Variants in EIF4G3 observed in about 807,000 individuals in gnomAD.
EIF4G3 encodes eukaryotic translation initiation factor 4 gamma 3.
In EIF4G3, 34 loss-of-function variants were observed where a neutral mutation model predicts 186.4. The ratio of observed to expected loss-of-function variants is 0.18; its 90% CI spans 0.14 to 0.24. EIF4G3 has a LOEUF of 0.24. Ranked by LOEUF, EIF4G3 falls within the 10% of genes least tolerant of loss-of-function variation. The probability of loss-of-function intolerance (pLI) is 1.00; values close to 1 mark genes in which losing one functional copy is unlikely to be tolerated. For synonymous variants in EIF4G3, 673 were observed against 679.5 expected (o/e 0.99, Z 0.15); for missense variants, 1,536 against 1,948.5 (o/e 0.79, Z 3.99).
At chr1:20,825,737 C>CTAGAA (rs2063450958) in intron 32 of EIF4G3, among the ~76,000 whole-genome samples, 1 of 152,208 alleles carries the variant, frequency 6.6e-6, no homozygotes. Flanking sequence ...AGAAGCCTCA[C>CTAGAA]TAGAATCCCT....
intron 3 of EIF4G3, among the ~76,000 whole-genome samples, chr1:21,066,408 A>T (rs1488776504): frequency 6.6e-6 from 1 of 152,200 alleles, no homozygotes; most frequent in Non-Finnish European, 1.5e-5. Flanking sequence ...GATATGTAAA[A>T]AATTAACATA....
intron 2 of EIF4G3, among the ~76,000 whole-genome samples, chr1:21,155,625 G>A (rs139144337): frequency 5.3e-5 from 8 of 152,056 alleles, no homozygotes; most frequent in African/African-American, 1.9e-4. Context: ...GAGCCCAGGA[G>A]TTGGGAGTTT....
chr1:21,131,751 T>C (rs1265361648), intron 2 of EIF4G3, among the ~76,000 whole-genome samples: 2 of 152,140 alleles, frequency 1.3e-5, no homozygotes, highest in Non-Finnish European at 2.9e-5. Context: ...GGCTGGAGGA[T>C]AGCTTGAGCC....
At chr1:21,127,469 T>C (rs546289770) in intron 2 of EIF4G3, among the ~76,000 whole-genome samples, 2 of 152,310 alleles carry the variant, frequency 1.3e-5, no homozygotes, top group South Asian at 4.1e-4. Context: ...AATATAAATT[T>C]TGTGAAAAAA....
At chr1:21,057,113 T>C (rs2094596382) in intron 3 of EIF4G3, among the ~76,000 whole-genome samples, 1 of 152,180 alleles carries the variant, frequency 6.6e-6, no homozygotes, top group East Asian at 1.9e-4. Context: ...CAGTAGCTGG[T>C]AAGCTTGGAA....
chr1:21,131,153 T>C (rs1205870824), intron 2 of EIF4G3, among the ~76,000 whole-genome samples: 1 of 148,744 alleles, frequency 6.7e-6, no homozygotes, highest in Non-Finnish European at 1.5e-5. Flanking sequence ...GTCACAAGAA[T>C]CACTTGAACC....
At chr1:20,852,568 GTCT>G (rs1441352911) in intron 27 of EIF4G3, among the ~76,000 whole-genome samples, 1 of 152,042 alleles carries the variant, frequency 6.6e-6, no homozygotes, top group East Asian at 1.9e-4. Flanking sequence ...TTCCTGATTC[GTCT>G]TCTTTTAGAC....
At chr1:20,994,929 G>A (rs144226293) in intron 7 of EIF4G3, among the ~76,000 whole-genome samples, 89 of 152,044 alleles carry the variant, frequency 5.9e-4, no homozygotes, top group African/African-American at 1.9e-3. Flanking sequence ...ATCAAACACC[G>A]CATCCAGCTT....
rs1464410263 is a variant in EIF4G3, at chr1:21,073,947, T to C, written c.-196+15191A>G. ...TTCTCTCATATCTTAACAGAAATGATCAGTTTTAAATCTTGTTTCTCTATT... is the reference window on the plus strand; with the variant it reads ...TTCTCTCATATCTTAACAGAAATGACCAGTTTTAAATCTTGTTTCTCTATT... On this transcript the variant is annotated intron_variant, in intron 3 of 36. Coordinates refer to ENST00000602326, the MANE Select transcript of EIF4G3 (RefSeq NM_001391906.1). 3.9e-5 allele frequency among the ~76,000 whole-genome samples: 6 copies of C among 152,282 alleles called. No individual in the cohort carries two copies. In the East Asian group the frequency reaches 1.2e-3, roughly 29 times the overall value.
At chr1:20,999,813 A>G (rs1454628196) in intron 6 of EIF4G3, 1 of 395,222 alleles carries the variant, frequency 2.5e-6, no homozygotes, top group Non-Finnish European at 4.9e-6. Context: ...CTGCTGGCTC[A>G]TATTAAAACT....
intron 2 of EIF4G3, among the ~76,000 whole-genome samples, chr1:21,127,870 A>C (rs1045673655): frequency 6.6e-6 from 1 of 152,340 alleles, no homozygotes; most frequent in Non-Finnish European, 1.5e-5. Flanking sequence ...AAAGCAAAAA[A>C]TATTTCTTCC....
chr1:20,924,275 T>G (rs1008188501), intron 14 of EIF4G3, among the ~76,000 whole-genome samples: 4 of 152,192 alleles, frequency 2.6e-5, no homozygotes, highest in African/African-American at 7.2e-5. Context: ...GCTGATATGT[T>G]TGTTGAACTG....
At chr1:20,818,274 G>C (rs1275069847) in intron 33 of EIF4G3, among the ~76,000 whole-genome samples, 1 of 152,116 alleles carries the variant, frequency 6.6e-6, no homozygotes, top group Non-Finnish European at 1.5e-5. Flanking sequence ...TTGTTAAGTT[G>C]TGGCCATTTC....
chr1:20,836,409 AT>A (rs2066776169), intron 30 of EIF4G3, among the ~76,000 whole-genome samples: 1 of 151,818 alleles, frequency 6.6e-6, no homozygotes, highest in African/African-American at 2.4e-5. Context: ...TGCACAGCCA[AT>A]TTTTTTGTTA....
Position 20,853,551 on chromosome 1 carries a change from G to A in EIF4G3, c.3551+9C>T. 3 of 1,588,146 alleles carry A rather than the reference G, an allele frequency of 1.9e-6. No homozygotes were observed. Among genetic ancestry groups the A allele is most frequent in the Non-Finnish European group, 2.6e-6 (3 of 1,156,512 alleles). ...AGCCTTGAGTAGACATAAAAAGCAG[G>A]GTTCTCACCTAGTTAAGGTCCTTCG... is the stretch of plus-strand genomic sequence containing the variant. On this transcript the variant is annotated intron_variant, in intron 27 of 36. Coordinates refer to ENST00000602326, the MANE Select transcript of EIF4G3 (RefSeq NM_001391906.1).
At chr1:21,134,631 T>G (rs1045620387) in intron 2 of EIF4G3, among the ~76,000 whole-genome samples, 2 of 152,058 alleles carry the variant, frequency 1.3e-5, no homozygotes, top group Non-Finnish European at 2.9e-5. Flanking sequence ...ATCGCACCAC[T>G]GCACTCCAGC....
chr1:20,972,849 C>T (rs2076164897), intron 11 of EIF4G3, among the ~76,000 whole-genome samples, 153 bp downstream of exon 11: 1 of 151,530 alleles, frequency 6.6e-6, no homozygotes, highest in Admixed American at 6.6e-5. Context: ...CCATACAAAT[C>T]CTCCAGGTGA....
At chr1:20,969,393 A>G in intron 12 of EIF4G3, 81 bp downstream of exon 12, 1 of 1,520,926 alleles carries the variant, frequency 6.6e-7, no homozygotes, top group Non-Finnish European at 9.0e-7. Flanking sequence ...AAAAGTACAG[A>G]AAGTGGCTAT....
intron 12 of EIF4G3, among the ~76,000 whole-genome samples, chr1:20,952,516 T>C (rs1400773247): frequency 6.6e-6 from 1 of 152,152 alleles, no homozygotes; most frequent in African/African-American, 2.4e-5. Context: ...TGTCAAATTG[T>C]AGTTTAACCT....
Sources: gnomAD v4.1 joint callset for allele counts (sites outside exome capture counted in the v4.1 genomes callset) on GRCh38, gnomAD v4.1.1 for gene constraint, MANE v1.5 for transcripts, NCBI Gene and HGNC (gene_info 2026-07-23, HGNC 2026-07-21) for gene names.